Variants in NBDY observed in about 807,000 individuals in gnomAD.
NBDY encodes the protein negative regulator of P-body association, also known as P-body dissociating protein.
chrX:56,784,929 C>G (rs1259395173), intron 2 of NBDY, among the ~76,000 whole-genome samples: 1 of 112,488 alleles, frequency 8.9e-6, no homozygotes, highest in Non-Finnish European at 1.9e-5. Context: ...GCCTGGGCAG[C>G]AGCATGGAAC....
At chrX:56,731,223 G>A (rs1174129124) in intron 1 of NBDY, among the ~76,000 whole-genome samples, 1 of 110,234 alleles carries the variant, frequency 9.1e-6, no homozygotes, top group African/African-American at 3.3e-5. Context: ...GGGTAGTGGA[G>A]TGGAAGGTTG....
chrX:56,788,830 C>G (rs942527053), intron 2 of NBDY, among the ~76,000 whole-genome samples: 6 of 112,354 alleles, frequency 5.3e-5, no homozygotes, highest in African/African-American at 1.6e-4. Flanking sequence ...GCCTGGCTGC[C>G]CTGTGTCAGG....
intron 2 of NBDY, among the ~76,000 whole-genome samples, chrX:56,758,316 G>GAAAAAAAAAAAAAAA (rs757268190): frequency 1.2e-5 from 1 of 81,476 alleles, no homozygotes; most frequent in Admixed American, 1.4e-4. Context: ...ACTCTGTCTC[G>GAAAAAAAAAAAAAAA]AAAAAAAAAA....
At chrX:56,756,315 A>C (rs1353238317) in intron 2 of NBDY, among the ~76,000 whole-genome samples, 1 of 109,869 alleles carries the variant, frequency 9.1e-6, no homozygotes, top group Non-Finnish European at 1.9e-5. Context: ...ATAAATAAAT[A>C]ATAAAATGGT....
At chrX:56,781,365 G>A (rs757111008) in intron 2 of NBDY, among the ~76,000 whole-genome samples, 1 of 111,894 alleles carries the variant, frequency 8.9e-6, no homozygotes, top group South Asian at 3.7e-4. Flanking sequence ...CTGATGGAGT[G>A]TGCGGGATGG....
chrX:56,746,970 T>G (rs2069561151), intron 2 of NBDY, among the ~76,000 whole-genome samples: 1 of 112,097 alleles, frequency 8.9e-6, no homozygotes, highest in Admixed American at 9.5e-5. Context: ...GATCCTTAAC[T>G]TAATCACATC....
intron 2 of NBDY, among the ~76,000 whole-genome samples, chrX:56,758,865 T>C (rs1408200371): frequency 9.0e-6 from 1 of 111,530 alleles, no homozygotes; most frequent in Admixed American, 9.5e-5. Context: ...AATGAGACGG[T>C]GGAGGACAAA....
intron 2 of NBDY, among the ~76,000 whole-genome samples, chrX:56,814,568 T>C (rs1397720923): frequency 9.2e-6 from 1 of 109,285 alleles, no homozygotes; most frequent in Non-Finnish European, 1.9e-5. Context: ...CCTTGACTCA[T>C]TGCAACCTCC....
intron 2 of NBDY, among the ~76,000 whole-genome samples, chrX:56,743,661 C>T (rs1352732515): frequency 9.1e-6 from 1 of 110,269 alleles, no homozygotes; most frequent in Non-Finnish European, 1.9e-5. Flanking sequence ...TTATTTGGAT[C>T]TTCCCTCTTT....
intron 2 of NBDY, among the ~76,000 whole-genome samples, chrX:56,797,973 A>C (rs960339576): frequency 8.9e-6 from 1 of 112,233 alleles, no homozygotes; most frequent in African/African-American, 3.2e-5. Flanking sequence ...AACCAGACCA[A>C]TAAACAGGTA....
chrX:56,755,424 G>T (rs1311802433), intron 2 of NBDY, among the ~76,000 whole-genome samples: 4 of 111,832 alleles, frequency 3.6e-5, no homozygotes, highest in Non-Finnish European at 7.5e-5. Context: ...AATCTACAAT[G>T]AACTCCAACA....
chrX:56,789,573 G>A (rs2069749768), intron 2 of NBDY, among the ~76,000 whole-genome samples: 1 of 111,960 alleles, frequency 8.9e-6, no homozygotes, highest in South Asian at 3.7e-4. Context: ...GGTCCAACAG[G>A]CATCCACACA....
At chrX:56,781,368 C>T (rs1052274658) in intron 2 of NBDY, among the ~76,000 whole-genome samples, 2 of 111,625 alleles carry the variant, frequency 1.8e-5, no homozygotes, top group African/African-American at 6.5e-5. Flanking sequence ...ATGGAGTGTG[C>T]GGGATGGGGT....
rs2069916139 is a variant in NBDY at position 56,817,513 on chromosome X, T to G, written c.*360T>G. ...AACTCTTTTGGTGACATCCTGTTCT[T>G]GTTGTATAACTTTATATTCCTATAA... is the stretch of plus-strand genomic sequence containing the variant. On this transcript the variant is annotated 3_prime_UTR_variant, in exon 3 of 3. Coordinates refer to ENST00000374922, the MANE Select transcript of NBDY (RefSeq NM_001348129.2). 1 of 111,953 alleles carries G rather than the reference T, an allele frequency of 8.9e-6. No individual in the cohort carries two copies. The highest frequency in any genetic ancestry group is 1.9e-5 in the Non-Finnish European group (1 of 53,190). The allele number at this position is 111,953 out of a possible 1,213,427, so 9.2% of individuals were successfully genotyped here.
intron 2 of NBDY, among the ~76,000 whole-genome samples, chrX:56,791,016 G>A (rs189616289): frequency 0.011 from 1,219 of 112,387 alleles, 13 homozygotes; most frequent in African/African-American, 0.038. Context: ...TTGGCTGGTG[G>A]CTCTTCTTCT....
chrX:56,744,085 G>C (rs1216489904), intron 2 of NBDY, among the ~76,000 whole-genome samples: 1 of 110,849 alleles, frequency 9.0e-6, no homozygotes, highest in Non-Finnish European at 1.9e-5. Context: ...GCTTATTCAG[G>C]AACATACTGT....
chrX:56,796,158 G>T (rs1429583324), intron 2 of NBDY, among the ~76,000 whole-genome samples: 1 of 111,885 alleles, frequency 8.9e-6, no homozygotes, highest in African/African-American at 3.3e-5. Flanking sequence ...TCAGGATGGG[G>T]TTGGGGTGGG....
intron 2 of NBDY, among the ~76,000 whole-genome samples, chrX:56,789,037 G>A (rs769269188): frequency 8.9e-6 from 1 of 112,769 alleles, no homozygotes; most frequent in Admixed American, 9.3e-5. Context: ...TCCTCTGGGT[G>A]GCACTGTGGC....
chrX:56,785,472 C>A (rs2069722214), intron 2 of NBDY, among the ~76,000 whole-genome samples: 1 of 111,241 alleles, frequency 9.0e-6, no homozygotes, highest in South Asian at 3.8e-4. Flanking sequence ...TGGCCAGACA[C>A]CTTCATTCAC....
Sources: allele counts gnomAD v4.1 joint callset (sites outside exome capture counted in the v4.1 genomes callset), GRCh38; gene constraint gnomAD v4.1.1; transcripts MANE v1.5; gene names NCBI Gene and HGNC (gene_info 2026-07-23, HGNC 2026-07-21).